GNL3L: variants seen among roughly 807,000 people sequenced by gnomAD.
GNL3L encodes G protein nucleolar 3 like, also known as guanine nucleotide-binding protein-like 3-like protein.
A neutral mutation model predicts 42.9 loss-of-function variants in GNL3L; 4 were observed. The observed-to-expected ratio is 0.09, with a 90% CI of 0.05 to 0.21. GNL3L has a LOEUF of 0.21. GNL3L is among the 10% of genes least tolerant of loss of function. The pLI is 1.00. For missense variants in GNL3L, 412 were observed against 481.7 expected (o/e 0.86, Z 1.36); for synonymous variants, 159 against 176.3 (o/e 0.90, Z 0.78).
chrX:54,584,450 A>T (rs146075098), intron 16 of GNL3L, among the ~76,000 whole-genome samples: 1,221 of 112,098 alleles, frequency 0.011, 14 homozygotes, highest in African/African-American at 0.038. Flanking sequence ...ATTAGGATAT[A>T]TATCACCTCA....
chrX:54,551,527 C>T (rs369941895), intron 10 of GNL3L, 41 bp from the exon 11 acceptor site: 46 of 1,153,890 alleles, frequency 4.0e-5, no homozygotes, highest in Admixed American at 1.8e-4. Flanking sequence ...GGGGCCTCTA[C>T]GATGCCAGGT....
chrX:54,602,509 T>C (rs1398225383), intron 16 of GNL3L, among the ~76,000 whole-genome samples: 3 of 110,856 alleles, frequency 2.7e-5, no homozygotes, highest in Non-Finnish European at 5.7e-5. Context: ...ACCACAATTA[T>C]ACCTTTGAAT....
downstream of GNL3L, among the ~76,000 whole-genome samples, chrX:54,568,553 C>CTT (rs759337787): frequency 4.0e-5 from 4 of 99,995 alleles, no homozygotes; most frequent in South Asian, 4.4e-4. Context: ...TATGTAGTAT[C>CTT]TTTTTTTTTT....
chrX:54,534,845 G>A (rs777443747), intron 2 of GNL3L, among the ~76,000 whole-genome samples: 2 of 110,077 alleles, frequency 1.8e-5, no homozygotes, highest in South Asian at 7.8e-4. Flanking sequence ...TTCTCTCCAA[G>A]TGATGTGTTT....
intron 7 of GNL3L, 36 bp downstream of exon 7, chrX:54,543,378 G>A (rs1338958264): frequency 1.7e-6 from 2 of 1,191,869 alleles, no homozygotes; most frequent in Non-Finnish European, 2.3e-6. Flanking sequence ...GACAGGGAAG[G>A]TGGGCAGGCC....
chrX:54,580,499 C>A (rs1184926571), intron 16 of GNL3L, among the ~76,000 whole-genome samples: 1 of 110,770 alleles, frequency 9.0e-6, no homozygotes, highest in Admixed American at 9.6e-5. Flanking sequence ...ATTTATAATC[C>A]TTTGGGTATA....
At chrX:54,606,786 G>A (rs940850492) in intron 16 of GNL3L, among the ~76,000 whole-genome samples, 1 of 109,762 alleles carries the variant, frequency 9.1e-6, no homozygotes, top group African/African-American at 3.3e-5. Context: ...GACTACAGGT[G>A]CATGCCACCA....
chrX:54,597,075 C>T (rs1171251928), intron 16 of GNL3L, among the ~76,000 whole-genome samples: 1 of 111,143 alleles, frequency 9.0e-6, no homozygotes, highest in Non-Finnish European at 1.9e-5. Flanking sequence ...AAGACAAAGT[C>T]CCCTTTACTT....
At chrX:54,580,002 T>TTTTTTG in intron 16 of GNL3L, among the ~76,000 whole-genome samples, 1 of 104,102 alleles carries the variant, frequency 9.6e-6, no homozygotes, top group African/African-American at 3.6e-5. Context: ...TTTTTTTTTT[T>TTTTTTG]TTTTTTTTTT....
intron 2 of GNL3L, among the ~76,000 whole-genome samples, chrX:54,536,742 A>G: frequency 1.0e-5 from 1 of 96,755 alleles, no homozygotes; most frequent in Non-Finnish European, 2.0e-5. Context: ...CTCAGGTGGC[A>G]CCACTGCACT....
intron 2 of GNL3L, among the ~76,000 whole-genome samples, chrX:54,536,402 C>T (rs1396462104): frequency 9.0e-6 from 1 of 110,677 alleles, no homozygotes; most frequent in African/African-American, 3.3e-5. Flanking sequence ...AGTAGATTTC[C>T]GTAGATTTCC....
At chrX:54,537,871 G>A (rs768513583) in intron 2 of GNL3L, among the ~76,000 whole-genome samples, 2 of 110,926 alleles carry the variant, frequency 1.8e-5, no homozygotes, top group Non-Finnish European at 3.8e-5. Context: ...AACCTCTCAT[G>A]TAGCTGGGGC....
chrX:54,596,881 T>C (rs181493995), intron 16 of GNL3L, among the ~76,000 whole-genome samples: 2 of 111,208 alleles, frequency 1.8e-5, no homozygotes, highest in African/African-American at 6.5e-5. Flanking sequence ...TATGTTCCCT[T>C]ATGGCCCAAG....
intron 16 of GNL3L, among the ~76,000 whole-genome samples, chrX:54,617,520 T>A (rs1926233710): frequency 8.9e-6 from 1 of 111,979 alleles, no homozygotes; most frequent in Non-Finnish European, 1.9e-5. Flanking sequence ...GTTGACAATT[T>A]TCCCCCCGCT....
At chrX:54,581,509 A>G (rs1381289904) in intron 16 of GNL3L, among the ~76,000 whole-genome samples, 2 of 112,710 alleles carry the variant, frequency 1.8e-5, no homozygotes, top group African/African-American at 3.2e-5. Context: ...TGTTGGGATC[A>G]CAGGCATGAG....
At chrX:54,589,507 C>A (rs1374922251) in intron 16 of GNL3L, among the ~76,000 whole-genome samples, 1 of 111,265 alleles carries the variant, frequency 9.0e-6, no homozygotes, top group South Asian at 3.7e-4. Flanking sequence ...GTTTTTGTGC[C>A]TGGCTTATTA....
At chrX:54,536,898 C>G (rs932391215) in intron 2 of GNL3L, among the ~76,000 whole-genome samples, 19 of 110,565 alleles carry the variant, frequency 1.7e-4, no homozygotes, top group Admixed American at 4.8e-4. Flanking sequence ...TCTTTGCTCA[C>G]CTGAAAATGT....
At chrX:54,537,229 G>T (rs1281927538) in intron 2 of GNL3L, among the ~76,000 whole-genome samples, 23 of 109,076 alleles carry the variant, frequency 2.1e-4, no homozygotes, top group Non-Finnish European at 7.6e-5. Flanking sequence ...TCACTATGTT[G>T]CCTGGATTAG....
Position 54,542,999 on chromosome X carries a change from C to A in GNL3L, c.351C>A (p.Asp117Glu). 8.4e-7 allele frequency: 1 copy of A among 1,188,769 alleles called. No individual in the cohort carries two copies. Among genetic ancestry groups the A allele is most frequent in the Non-Finnish European group, 1.1e-6 (1 of 875,143 alleles). ...QELNMFPQLD[D>E]EATRKAYYKE... Reference sequence around the variant, plus strand: ...TAAATATGTTTCCTCAGCTGGATGACGAGGCCACGAGGAAGGCTTATTACA... The same window carrying A: ...TAAATATGTTTCCTCAGCTGGATGAAGAGGCCACGAGGAAGGCTTATTACA... Residue 117 changes from aspartate to glutamate, a missense_variant, in exon 6 of 16, where the codon GAC becomes GAA. Coordinates refer to ENST00000360845, the MANE Select transcript of GNL3L (RefSeq NM_001184819.2).
Sources: allele counts gnomAD v4.1 joint callset (sites outside exome capture counted in the v4.1 genomes callset), GRCh38; gene constraint gnomAD v4.1.1; transcripts MANE v1.5; gene names NCBI Gene and HGNC (gene_info 2026-07-23, HGNC 2026-07-21).